EPHB1: variants seen among roughly 807,000 people sequenced by gnomAD.
EPHB1 encodes EPH receptor B1.
EPHB1 carries 30 observed loss-of-function variants against 94.4 expected under a neutral mutation model. The ratio of observed to expected loss-of-function variants is 0.32; its 90% CI spans 0.24 to 0.43. The LOEUF (loss-of-function observed/expected upper bound fraction) is 0.43, where lower values mean the gene tolerates loss of function less well. EPHB1 is among the 20% of genes least tolerant of loss of function. The pLI, the probability that EPHB1 is intolerant of heterozygous loss-of-function variation, is 1.00. For synonymous variants in EPHB1, 522 were observed against 489.1 expected (o/e 1.07, Z -0.89); for missense variants, 1,055 against 1,308.3 (o/e 0.81, Z 2.99).
intron 3 of EPHB1, among the ~76,000 whole-genome samples, chr3:135,045,422 A>C (rs1219848140): frequency 4.6e-5 from 7 of 152,246 alleles, no homozygotes; most frequent in African/African-American, 1.2e-4. Flanking sequence ...CTTTTGCTGC[A>C]TACTGTGGTA....
chr3:134,953,077 T>C (rs1442480620), intron 3 of EPHB1, among the ~76,000 whole-genome samples: 1 of 152,154 alleles, frequency 6.6e-6, no homozygotes, highest in African/African-American at 2.4e-5. Context: ...CCCTTAGTCC[T>C]TTGGGTCTTG....
chr3:135,174,022 G>A (rs1343090155), intron 9 of EPHB1, among the ~76,000 whole-genome samples: 1 of 152,120 alleles, frequency 6.6e-6, no homozygotes, highest in African/African-American at 2.4e-5. Context: ...TGCTGTTCTT[G>A]TTGCAGTACT....
At chr3:135,040,247 G>A (rs911139909) in intron 3 of EPHB1, among the ~76,000 whole-genome samples, 5 of 152,176 alleles carry the variant, frequency 3.3e-5, no homozygotes, top group Non-Finnish European at 4.4e-5. Flanking sequence ...TTTCCTTTCA[G>A]GAGATTCGAG....
intron 3 of EPHB1, among the ~76,000 whole-genome samples, chr3:135,070,480 A>G (rs910700700): frequency 6.6e-6 from 1 of 152,158 alleles, no homozygotes; most frequent in African/African-American, 2.4e-5. Flanking sequence ...ACTGACCACT[A>G]TAAACTGGCC....
intron 1 of EPHB1, among the ~76,000 whole-genome samples, chr3:134,822,567 A>C (rs1171296165): frequency 2.6e-5 from 4 of 152,230 alleles, no homozygotes; most frequent in African/African-American, 9.6e-5. Flanking sequence ...CATATTGCTT[A>C]AAGTTGTAGA....
chr3:135,145,374 A>G (rs1323348156), intron 5 of EPHB1, among the ~76,000 whole-genome samples: 1 of 152,176 alleles, frequency 6.6e-6, no homozygotes, highest in Non-Finnish European at 1.5e-5. Context: ...TCCTTCATTC[A>G]CAACCCCATC....
At chr3:134,832,820 G>A (rs2036603158) in intron 1 of EPHB1, among the ~76,000 whole-genome samples, 1 of 152,198 alleles carries the variant, frequency 6.6e-6, no homozygotes, top group Non-Finnish European at 1.5e-5. Flanking sequence ...GAAACTTTCT[G>A]CTGTCATAAT....
At chr3:135,256,917 T>G (rs1337740646) in intron 15 of EPHB1, among the ~76,000 whole-genome samples, 2 of 147,468 alleles carry the variant, frequency 1.4e-5, no homozygotes, top group African/African-American at 5.1e-5. Context: ...TGCTCATTTC[T>G]TTTTATTCTT....
At chr3:135,018,739 C>G (rs893777839) in intron 3 of EPHB1, among the ~76,000 whole-genome samples, 2 of 152,168 alleles carry the variant, frequency 1.3e-5, no homozygotes, top group Non-Finnish European at 2.9e-5. Context: ...AACAGTGTCT[C>G]ATTCTTCTTG....
At chr3:134,919,181 A>G (rs951408546) in intron 1 of EPHB1, among the ~76,000 whole-genome samples, 2 of 152,248 alleles carry the variant, frequency 1.3e-5, no homozygotes, top group African/African-American at 2.4e-5. Flanking sequence ...ACTGAAGTAG[A>G]GGAAGGAATC....
chr3:135,196,044 G>T (rs1428208911), intron 11 of EPHB1, among the ~76,000 whole-genome samples: 2 of 143,184 alleles, frequency 1.4e-5, no homozygotes, highest in Non-Finnish European at 3.0e-5. Flanking sequence ...GTGTGAGATG[G>T]TATCTCATAG....
chr3:135,060,532 G>T (rs1937468334), intron 3 of EPHB1, among the ~76,000 whole-genome samples: 2 of 151,920 alleles, frequency 1.3e-5, no homozygotes, highest in Admixed American at 6.6e-5. Context: ...AATTTTGTTT[G>T]GTATATACCT....
intron 12 of EPHB1, among the ~76,000 whole-genome samples, chr3:135,216,151 C>T (rs984422571): frequency 1.2e-4 from 18 of 152,290 alleles, no homozygotes; most frequent in African/African-American, 4.3e-4. Context: ...GATGCCCACC[C>T]AGCCATCACG....
At chr3:134,855,217 A>G (rs2037085818) in intron 1 of EPHB1, among the ~76,000 whole-genome samples, 1 of 152,266 alleles carries the variant, frequency 6.6e-6, no homozygotes, top group Non-Finnish European at 1.5e-5. Flanking sequence ...GGTTATAAAT[A>G]TAAAATGTAA....
At chr3:135,193,419 A>G (rs1942513135) in intron 11 of EPHB1, among the ~76,000 whole-genome samples, 1 of 152,248 alleles carries the variant, frequency 6.6e-6, no homozygotes, top group Non-Finnish European at 1.5e-5. Flanking sequence ...GACCTGTAAA[A>G]GATCATTGTC....
chr3:135,006,143 T>C (rs1030832636), intron 3 of EPHB1, among the ~76,000 whole-genome samples: 4 of 152,222 alleles, frequency 2.6e-5, no homozygotes, highest in Non-Finnish European at 5.9e-5. Flanking sequence ...CAATTAAACC[T>C]CTTTCCTTTA....
At chr3:134,971,795 T>A (rs769837313) in intron 3 of EPHB1, among the ~76,000 whole-genome samples, 1 of 152,192 alleles carries the variant, frequency 6.6e-6, no homozygotes, top group Non-Finnish European at 1.5e-5. Flanking sequence ...CACATACTGT[T>A]TGTTCTCAGA....
At chr3:134,940,610 C>A (rs1009625634) in intron 2 of EPHB1, among the ~76,000 whole-genome samples, 5 of 152,220 alleles carry the variant, frequency 3.3e-5, no homozygotes, top group Non-Finnish European at 7.3e-5. Context: ...GCCTGGGATG[C>A]TCCTCCTTCG....
chr3:135,241,667 G>A (rs1943786812), intron 13 of EPHB1, among the ~76,000 whole-genome samples: 1 of 152,240 alleles, frequency 6.6e-6, no homozygotes, highest in Non-Finnish European at 1.5e-5. Context: ...GAACGACAGA[G>A]GGGAAGGAGG....
Sources: gnomAD v4.1 joint callset for allele counts (sites outside exome capture counted in the v4.1 genomes callset) on GRCh38, gnomAD v4.1.1 for gene constraint, MANE v1.5 for transcripts, NCBI Gene and HGNC (gene_info 2026-07-23, HGNC 2026-07-21) for gene names.